FAM120A: variants seen among roughly 807,000 people sequenced by gnomAD.
FAM120A encodes family with sequence similarity 120 member A.
FAM120A carries 15 observed loss-of-function variants against 109.7 expected under a neutral mutation model. That is an observed-to-expected ratio of 0.14 (90% CI 0.09 to 0.21). The LOEUF (loss-of-function observed/expected upper bound fraction) is 0.21, where lower values mean the gene tolerates loss of function less well. Among genes scored for constraint, FAM120A ranks in the 10% least tolerant of loss-of-function variants. FAM120A has a pLI of 1.00. For synonymous variants in FAM120A, 493 were observed against 572.8 expected, an observed-to-expected ratio of 0.86 and a Z score of 1.99; for missense variants, 899 against 1,439.3, an observed-to-expected ratio of 0.62 and a Z score of 6.07.
intron 5 of FAM120A, among the ~76,000 whole-genome samples, chr9:93,514,735 G>A (rs1860490690): frequency 6.6e-6 from 1 of 152,198 alleles, no homozygotes; most frequent in Non-Finnish European, 1.5e-5. Flanking sequence ...CCTTGTTACT[G>A]CGGGTCTTGT....
rs770329342 is a variant in FAM120A at position 93,498,912 on chromosome 9, A to G, written c.1030+26A>G. ...GTAAGTAAATAAAAGCCTGTGATCAATATTGACCATATGATAATCCAAGTA... is the reference window on the plus strand; with the variant it reads ...GTAAGTAAATAAAAGCCTGTGATCAGTATTGACCATATGATAATCCAAGTA... On this transcript the variant is annotated intron_variant, in intron 5 of 17. Coordinates refer to ENST00000277165, the MANE Select transcript of FAM120A (RefSeq NM_014612.5). This position sits in a 1 kb window ranked among gnomAD's most constrained non-coding sequence, Gnocchi z 4.4. 2.4e-6 allele frequency: 3 copies of G among 1,233,148 alleles called. No homozygotes were observed. The highest frequency in any genetic ancestry group is 1.9e-4 in the Middle Eastern group (1 of 5,334). The allele number at this position is 1,233,148 out of a possible 1,614,324, so 76.4% of individuals were successfully genotyped here.
chr9:93,541,577 A>G (rs939144795), intron 10 of FAM120A, among the ~76,000 whole-genome samples: 2 of 152,224 alleles, frequency 1.3e-5, no homozygotes, highest in Non-Finnish European at 2.9e-5. Context: ...TTTTGACTTG[A>G]TGGACTTTAA....
rs371661473 is a variant in FAM120A at position 93,498,738 on chromosome 9, C to T, written c.934-52C>T. 5 of 997,820 alleles carry T rather than the reference C, an allele frequency of 5.0e-6. No individual in the cohort carries two copies. The African/African-American group carries it at 7.9e-5, about 16-fold the overall frequency. The allele number at this position is 997,820 out of a possible 1,614,324, so 61.8% of individuals were successfully genotyped here. On this transcript the variant is annotated intron_variant, in intron 4 of 17. Coordinates refer to ENST00000277165, the MANE Select transcript of FAM120A (RefSeq NM_014612.5). The surrounding 1 kb of genome is among the most constrained non-coding windows in gnomAD (Gnocchi z 4.4). ...CTGAATTATAAAAAACATTGTGATA[C>T]ACATGACCAGTGGCACACTAATTTA...
At position 93,561,017 on chromosome 9, in the gene FAM120A, A is replaced by G. The variant is rs1329866625; in HGVS notation, c.2807-92A>G. 9.0e-6 allele frequency: 13 copies of G among 1,448,724 alleles called. No homozygotes were observed. The East Asian group carries it at 2.8e-4, about 31-fold the overall frequency. 89.7% of individuals were successfully genotyped at this position (1,448,724 alleles called of 1,614,324 possible). ...AGTAGCTTCATAGTAAATATAAACC[A>G]AAACTGAAAAGAAGTTTCTTGCTTG... On this transcript the variant is annotated intron_variant, in intron 15 of 17. Transcript: ENST00000277165.
intron 11 of FAM120A, among the ~76,000 whole-genome samples, chr9:93,547,573 G>GA (rs1030792309): frequency 2.4e-4 from 37 of 152,324 alleles, no homozygotes; most frequent in African/African-American, 8.7e-4. Flanking sequence ...CTGTGGTAAG[G>GA]AAATGAAGGC....
At chr9:93,497,155 C>T (rs1859610372) in intron 3 of FAM120A, among the ~76,000 whole-genome samples, 1 of 152,218 alleles carries the variant, frequency 6.6e-6, no homozygotes, top group Admixed American at 6.5e-5. Context: ...GGTGCAGGTC[C>T]TGGCCTTGGA....
intron 5 of FAM120A, among the ~76,000 whole-genome samples, chr9:93,512,092 A>AGTTTTTTGTTTTGTTTT (rs1860346927): frequency 6.6e-6 from 1 of 152,138 alleles, no homozygotes; most frequent in Admixed American, 6.5e-5. Context: ...GAACCAGGCC[A>AGTTTTTTGTTTTGTTTT]GTTTTTTGTT....
intron 9 of FAM120A, chr9:93,531,424 T>C (rs1454743441): frequency 6.6e-6 from 1 of 152,282 alleles, no homozygotes; most frequent in Non-Finnish European, 1.5e-5. Flanking sequence ...AGATGTATCT[T>C]GATGCTGTAA....
At chr9:93,457,426 G>A (rs949338189) in intron 1 of FAM120A, among the ~76,000 whole-genome samples, 4 of 151,804 alleles carry the variant, frequency 2.6e-5, no homozygotes, top group African/African-American at 9.7e-5. Flanking sequence ...TGCACTATAC[G>A]TTATTCAGCA....
intron 1 of FAM120A, among the ~76,000 whole-genome samples, chr9:93,469,640 T>A (rs1415324991): frequency 6.6e-6 from 1 of 152,192 alleles, no homozygotes; most frequent in Non-Finnish European, 1.5e-5. Flanking sequence ...ATCTATTCTA[T>A]TTTAGCTGGT....
chr9:93,493,923 G>T (rs1859454872), intron 3 of FAM120A, among the ~76,000 whole-genome samples: 1 of 152,208 alleles, frequency 6.6e-6, no homozygotes, highest in African/African-American at 2.4e-5. Flanking sequence ...CAGCCTTCCT[G>T]GGCCCTTTTC....
At chr9:93,454,971 A>G (rs950759737) in intron 1 of FAM120A, among the ~76,000 whole-genome samples, 22 of 152,388 alleles carry the variant, frequency 1.4e-4, no homozygotes, top group African/African-American at 4.8e-4. Context: ...CCACCACTCC[A>G]GAAAACAGTG....
intron 5 of FAM120A, among the ~76,000 whole-genome samples, chr9:93,513,256 T>C (rs1860415598): frequency 6.6e-6 from 1 of 152,188 alleles, no homozygotes; most frequent in Non-Finnish European, 1.5e-5. Context: ...CACGTGGAGG[T>C]GCAGATCTAG....
intron 7 of FAM120A, among the ~76,000 whole-genome samples, chr9:93,517,993 C>G (rs1461074728): frequency 6.6e-6 from 1 of 152,132 alleles, no homozygotes; most frequent in Non-Finnish European, 1.5e-5. Context: ...TGTCTTTATT[C>G]CTGGTATGGC....
chr9:93,466,729 G>C (rs1376044839), intron 1 of FAM120A, among the ~76,000 whole-genome samples: 2 of 152,102 alleles, frequency 1.3e-5, no homozygotes, highest in African/African-American at 4.8e-5. Flanking sequence ...ACCTATGTGT[G>C]TATTTTCACC....
intron 1 of FAM120A, among the ~76,000 whole-genome samples, chr9:93,466,406 T>C (rs1319808332): frequency 1.3e-5 from 2 of 152,164 alleles, no homozygotes; most frequent in Non-Finnish European, 2.9e-5. Context: ...TTGGGAGCTC[T>C]CTTGGGTTGG....
intron 15 of FAM120A, 79 bp from the exon 16 acceptor site, chr9:93,561,030 A>G: frequency 1.3e-6 from 2 of 1,498,840 alleles, no homozygotes; most frequent in Non-Finnish European, 1.8e-6. Flanking sequence ...ACTGAAAAGA[A>G]GTTTCTTGCT....
At chr9:93,503,434 G>A (rs1305797067) in intron 5 of FAM120A, among the ~76,000 whole-genome samples, 1 of 152,166 alleles carries the variant, frequency 6.6e-6, no homozygotes, top group Non-Finnish European at 1.5e-5. Flanking sequence ...ATGAAAAGAT[G>A]CAGAGGAACA....
intron 7 of FAM120A, among the ~76,000 whole-genome samples, chr9:93,519,885 A>T (rs927516837): frequency 1.3e-5 from 2 of 152,108 alleles, no homozygotes; most frequent in African/African-American, 2.4e-5. Context: ...TATTATTATT[A>T]TTTTTTTAGG....
Sources: allele counts gnomAD v4.1 joint callset (sites outside exome capture counted in the v4.1 genomes callset), GRCh38; gene constraint gnomAD v4.1.1; non-coding constraint Gnocchi (gnomAD v3.1); transcripts MANE v1.5; gene names NCBI Gene and HGNC (gene_info 2026-07-23, HGNC 2026-07-21).